LARP1B: variants seen among roughly 807,000 people sequenced by gnomAD.
The protein encoded by LARP1B is La ribonucleoprotein 1B.
LARP1B carries 76 observed loss-of-function variants against 114.2 expected under a neutral mutation model. The ratio of observed to expected loss-of-function variants is 0.67; its 90% CI spans 0.55 to 0.81. The LOEUF is 0.81. Among genes scored for constraint, LARP1B ranks in the 30% least tolerant of loss-of-function variants. The pLI is 0.00. For synonymous variants in LARP1B, 345 were observed against 348.0 expected (o/e 0.99, Z 0.10); for missense variants, 1,014 against 1,075.8 (o/e 0.94, Z 0.80).
intron 15 of LARP1B, among the ~76,000 whole-genome samples, chr4:128,179,920 C>A (rs1643126689): frequency 6.6e-6 from 1 of 151,830 alleles, no homozygotes; most frequent in Admixed American, 6.6e-5. Context: ...TTGCTTTTTT[C>A]CCCCTTTTTT....
intron 15 of LARP1B, among the ~76,000 whole-genome samples, chr4:128,193,079 C>T (rs1752793068): frequency 6.6e-6 from 1 of 152,168 alleles, no homozygotes; most frequent in African/African-American, 2.4e-5. Context: ...AGCAATTCTC[C>T]TGCCTTAGCC....
chr4:128,213,689 C>CA (rs1759278247), downstream of LARP1B, among the ~76,000 whole-genome samples: 1 of 152,078 alleles, frequency 6.6e-6, no homozygotes, highest in Non-Finnish European at 1.5e-5. Flanking sequence ...TTTTCAATAT[C>CA]AAAAAAGGCA....
intron 9 of LARP1B, chr4:128,107,758 A>T: frequency 6.7e-7 from 1 of 1,499,118 alleles, no homozygotes; most frequent in African/African-American, 1.4e-5. Context: ...CTAAATTAGA[A>T]TTGGGGTTCT....
chr4:128,087,811 T>G (rs1774234811), intron 5 of LARP1B, among the ~76,000 whole-genome samples: 1 of 151,878 alleles, frequency 6.6e-6, no homozygotes, highest in African/African-American at 2.4e-5. Flanking sequence ...CCTGCGAATT[T>G]GGGGCTGTAG....
intron 15 of LARP1B, among the ~76,000 whole-genome samples, chr4:128,181,534 T>C (rs1253359443): frequency 1.3e-5 from 2 of 152,088 alleles, no homozygotes; most frequent in African/African-American, 4.8e-5. Flanking sequence ...TTGGATTGAG[T>C]TTTTATAATG....
chr4:128,179,176 T>G, intron 14 of LARP1B: 1 of 373,328 alleles, frequency 2.7e-6, no homozygotes, highest in Non-Finnish European at 4.8e-6. Flanking sequence ...AGAATCACAC[T>G]AAGCTGCACT....
At chr4:128,129,820 G>C (rs570039492) in intron 11 of LARP1B, among the ~76,000 whole-genome samples, 3 of 150,870 alleles carry the variant, frequency 2.0e-5, no homozygotes, top group African/African-American at 7.3e-5. Flanking sequence ...TGAGCATTGA[G>C]GTGAAAAAAA....
chr4:128,144,363 T>A (rs1158397589), intron 11 of LARP1B, among the ~76,000 whole-genome samples: 1 of 152,230 alleles, frequency 6.6e-6, no homozygotes, highest in Non-Finnish European at 1.5e-5. Flanking sequence ...AATTAGTAAT[T>A]TGATGTTTTT....
chr4:128,063,847 T>C (rs1249651225), intron 1 of LARP1B, among the ~76,000 whole-genome samples: 3 of 152,220 alleles, frequency 2.0e-5, no homozygotes, highest in African/African-American at 7.2e-5. Context: ...GAACTTTTTA[T>C]ATGCAAATGA....
chr4:128,136,816 G>T (rs1485310969), intron 11 of LARP1B, among the ~76,000 whole-genome samples: 1 of 152,072 alleles, frequency 6.6e-6, no homozygotes, highest in Non-Finnish European at 1.5e-5. Flanking sequence ...TTGCCTGGCT[G>T]GTCTTGAACT....
At chr4:128,113,489 C>T (rs1216041383) in intron 9 of LARP1B, among the ~76,000 whole-genome samples, 1 of 151,504 alleles carries the variant, frequency 6.6e-6, no homozygotes, top group African/African-American at 2.4e-5. Flanking sequence ...TACAGGTGCT[C>T]ACCACCAGGC....
chr4:128,153,563 C>T (rs1733953865), intron 11 of LARP1B, among the ~76,000 whole-genome samples: 1 of 152,168 alleles, frequency 6.6e-6, no homozygotes, highest in South Asian at 2.1e-4. Context: ...CTTGGCCTCC[C>T]AAAGTGCTGG....
chr4:128,196,694 C>G (rs1754278846), intron 15 of LARP1B, among the ~76,000 whole-genome samples: 1 of 151,764 alleles, frequency 6.6e-6, no homozygotes. Context: ...AGCTATACCA[C>G]TCTTAGTTAT....
At chr4:128,182,918 T>C (rs2150710457) in intron 15 of LARP1B, among the ~76,000 whole-genome samples, 1 of 152,304 alleles carries the variant, frequency 6.6e-6, no homozygotes. Flanking sequence ...AATATTCCCT[T>C]AAGCCAAAGC....
At chr4:128,084,615 AGGGAGAG>A (rs1312059686) in intron 5 of LARP1B, among the ~76,000 whole-genome samples, 3 of 151,432 alleles carry the variant, frequency 2.0e-5, no homozygotes, top group Non-Finnish European at 4.4e-5. Flanking sequence ...GGAGACCGAG[AGGGAGAG>A]GGGAGAGGGG....
chr4:128,173,071 A>G (rs1364015106), intron 12 of LARP1B, among the ~76,000 whole-genome samples: 1 of 151,628 alleles, frequency 6.6e-6, no homozygotes, highest in Non-Finnish European at 1.5e-5. Context: ...TAATATGCTT[A>G]TGTTTTTCTG....
chr4:128,198,041 C>T (rs537966568), intron 15 of LARP1B, among the ~76,000 whole-genome samples: 12 of 151,920 alleles, frequency 7.9e-5, no homozygotes, highest in Admixed American at 2.6e-4. Flanking sequence ...CATGCCACCA[C>T]GTCCAGCTAA....
chr4:128,191,779 A>G (rs546450063), intron 15 of LARP1B, among the ~76,000 whole-genome samples: 1 of 151,530 alleles, frequency 6.6e-6, no homozygotes, highest in South Asian at 2.1e-4. Context: ...CCCTCATGAT[A>G]TTATACTTCT....
chr4:128,116,812 T>C (rs1165990556), intron 10 of LARP1B, among the ~76,000 whole-genome samples: 1 of 152,212 alleles, frequency 6.6e-6, no homozygotes, highest in Non-Finnish European at 1.5e-5. Context: ...ATCATTTTTC[T>C]TTGGAATTCT....
Sources: gnomAD v4.1 joint callset for allele counts (sites outside exome capture counted in the v4.1 genomes callset) on GRCh38, gnomAD v4.1.1 for gene constraint, MANE v1.5 for transcripts, NCBI Gene and HGNC (gene_info 2026-07-23, HGNC 2026-07-21) for gene names.